The following RAB38 variants were observed in gnomAD, a reference collection of about 807,000 sequenced individuals.
RAB38 encodes the protein ras-related protein Rab-38.
A neutral mutation model predicts 18.4 loss-of-function variants in RAB38; 15 were observed. The ratio of observed to expected loss-of-function variants is 0.82; its 90% confidence interval spans 0.55 to 1.26. RAB38 has a LOEUF of 1.26. RAB38 is among the 50% of genes most tolerant of loss of function. RAB38 has a pLI of 0.00. For synonymous variants in RAB38, 101 were observed against 104.4 expected (o/e 0.97, Z 0.20); for missense variants, 294 against 267.4 (o/e 1.10, Z -0.69).
chr11:88,052,937 T>G, the RAB38 span, among the ~76,000 whole-genome samples: 1 of 111,422 alleles, frequency 9.0e-6, no homozygotes, highest in East Asian at 2.5e-4. Flanking sequence ...TATATATATA[T>G]ATATATAAAT....
chr11:88,022,791 G>A, the RAB38 span, among the ~76,000 whole-genome samples: 4 of 152,000 alleles, frequency 2.6e-5, no homozygotes, highest in African/African-American at 9.7e-5. Context: ...CCAGTCTATA[G>A]TTGATGGGCA....
the RAB38 span, among the ~76,000 whole-genome samples, chr11:87,878,251 CATCTATCT>C: frequency 0.048 from 4,990 of 103,332 alleles, 271 homozygotes; most frequent in East Asian, 0.13. Context: ...ACACACCTAT[CATCTATCT>C]ATCTATCTAT....
At chr11:87,955,706 A>G in the RAB38 span, among the ~76,000 whole-genome samples, 212 of 152,178 alleles carry the variant, frequency 1.4e-3, no homozygotes, top group African/African-American at 5.0e-3. Flanking sequence ...TCTGTCAATC[A>G]TCCATTGAGC....
At chr11:88,170,487 T>A (rs1191238262) in intron 1 of RAB38, among the ~76,000 whole-genome samples, 1 of 152,216 alleles carries the variant, frequency 6.6e-6, no homozygotes, top group African/African-American at 2.4e-5. Context: ...TGGTTGAATT[T>A]CACAACCTGA....
chr11:87,883,856 A>C, the RAB38 span, among the ~76,000 whole-genome samples: 1 of 151,986 alleles, frequency 6.6e-6, no homozygotes, highest in African/African-American at 2.4e-5. Flanking sequence ...GATCTTCCAG[A>C]AAAGAACTCT....
the RAB38 span, among the ~76,000 whole-genome samples, chr11:87,821,519 T>C: frequency 1.3e-5 from 2 of 152,120 alleles, no homozygotes; most frequent in Non-Finnish European, 2.9e-5. Context: ...AGCAAAGTAG[T>C]AAATTTGTGA....
the RAB38 span, among the ~76,000 whole-genome samples, chr11:87,846,269 T>C: frequency 1.3e-5 from 2 of 152,058 alleles, no homozygotes; most frequent in African/African-American, 4.8e-5. Context: ...TAAAACGTTA[T>C]TGGTTTCGTT....
the RAB38 span, among the ~76,000 whole-genome samples, chr11:88,063,942 A>C: frequency 6.6e-6 from 1 of 152,328 alleles, no homozygotes; most frequent in South Asian, 2.1e-4. Flanking sequence ...CTTCCCAAGC[A>C]TATGCTTAGT....
the RAB38 span, among the ~76,000 whole-genome samples, chr11:87,937,734 T>C: frequency 1.3e-5 from 2 of 152,082 alleles, no homozygotes; most frequent in Non-Finnish European, 2.9e-5. Flanking sequence ...TTTTACTTAT[T>C]TTAGGTTTAG....
the RAB38 span, among the ~76,000 whole-genome samples, chr11:88,107,914 T>G: frequency 6.6e-6 from 1 of 152,184 alleles, no homozygotes; most frequent in African/African-American, 2.4e-5. Context: ...TCAGTTTTCA[T>G]GTAGTTGTGC....
At chr11:88,007,325 CTG>C in the RAB38 span, among the ~76,000 whole-genome samples, 35 of 147,270 alleles carry the variant, frequency 2.4e-4, no homozygotes, top group African/African-American at 8.0e-4. Flanking sequence ...ATGAAAAACA[CTG>C]TTAACAAAAT....
At chr11:87,898,454 A>AATTGCT in the RAB38 span, among the ~76,000 whole-genome samples, 1 of 150,802 alleles carries the variant, frequency 6.6e-6, no homozygotes, top group African/African-American at 2.4e-5. Context: ...GCAATTTCAC[A>AATTGCT]TTTGCTTTTG....
the RAB38 span, among the ~76,000 whole-genome samples, chr11:88,038,546 T>C: frequency 4.4e-3 from 675 of 151,776 alleles, 2 homozygotes; most frequent in African/African-American, 0.016. Flanking sequence ...TTCCTCACAC[T>C]TAGTAGGTAC....
At chr11:88,107,642 A>AT in the RAB38 span, among the ~76,000 whole-genome samples, 2 of 151,076 alleles carry the variant, frequency 1.3e-5, no homozygotes, top group South Asian at 2.1e-4. Flanking sequence ...GATCTTAGTT[A>AT]TTTTTTGTCT....
chr11:87,922,891 G>A, the RAB38 span, among the ~76,000 whole-genome samples: 4,749 of 150,982 alleles, frequency 0.031, 282 homozygotes, highest in African/African-American at 0.11. Flanking sequence ...ATGGGAGATG[G>A]AAGGGGGAAG....
the RAB38 span, among the ~76,000 whole-genome samples, chr11:88,084,995 C>T: frequency 6.6e-6 from 1 of 151,700 alleles, no homozygotes; most frequent in Non-Finnish European, 1.5e-5. Flanking sequence ...ATAGATGATG[C>T]CCAAAATGGG....
chr11:87,926,145 G>A, the RAB38 span, among the ~76,000 whole-genome samples: 3 of 151,486 alleles, frequency 2.0e-5, no homozygotes, highest in African/African-American at 4.8e-5. Context: ...AGAGAGGTCC[G>A]ACCAATGAAA....
chr11:87,952,784 T>G, the RAB38 span, among the ~76,000 whole-genome samples: 1 of 152,182 alleles, frequency 6.6e-6, no homozygotes, highest in Non-Finnish European at 1.5e-5. Flanking sequence ...ACTTTTTGTC[T>G]TTTACATGTT....
rs181747659 is a variant in RAB38, at chr11:88,166,209, G to A, written c.202+8974C>T. On this transcript the variant is annotated intron_variant, in intron 1 of 2. Transcript: ENST00000243662. ...ATTTAGACCTCATCATGGAGGGAGG[G>A]AGAAAATGATATTAGAAATGCTATT... The A allele has an allele frequency of 3.9e-5, 6 of 152,156 alleles. No homozygotes were observed. In the East Asian group the frequency reaches 1.2e-3, roughly 30 times the overall value. 9.4% of individuals were successfully genotyped at this position (152,156 alleles called of 1,614,324 possible).
Sources: allele counts gnomAD v4.1 joint callset (sites outside exome capture counted in the v4.1 genomes callset), GRCh38; gene constraint gnomAD v4.1.1; transcripts MANE v1.5; gene names NCBI Gene and HGNC (gene_info 2026-07-23, HGNC 2026-07-21).